TRHDE: variants seen among roughly 807,000 people sequenced by gnomAD.
TRHDE encodes thyrotropin-releasing hormone-degrading ectoenzyme.
Under a neutral mutation model 125.7 loss-of-function variants are expected in TRHDE, and 72 were observed. The observed-to-expected ratio is 0.57, with a 90% CI of 0.47 to 0.70. The LOEUF is 0.70. TRHDE is among the 30% of genes least tolerant of loss of function. The probability of loss-of-function intolerance (pLI) is 0.00; values close to 1 mark genes in which losing one functional copy is unlikely to be tolerated. For missense variants in TRHDE, 1,110 were observed against 1,327.1 expected, an observed-to-expected ratio of 0.84 and a Z score of 2.54; for synonymous variants, 509 against 509.1, an observed-to-expected ratio of 1.00 and a Z score of 0.00.
chr12:72,291,523 T>C (rs1267919762), intron 2 of TRHDE, among the ~76,000 whole-genome samples: 1 of 152,234 alleles, frequency 6.6e-6, no homozygotes, highest in African/African-American at 2.4e-5. Context: ...CAAATAGTCA[T>C]AATTGCGTTA....
intron 2 of TRHDE, among the ~76,000 whole-genome samples, chr12:72,188,287 T>G (rs1324317823): frequency 6.6e-6 from 1 of 152,254 alleles, no homozygotes; most frequent in East Asian, 1.9e-4. Context: ...AGTAAACTCT[T>G]TCAATTGCAT....
chr12:72,482,765 G>A (rs1204221019), intron 5 of TRHDE, among the ~76,000 whole-genome samples: 1 of 151,840 alleles, frequency 6.6e-6, no homozygotes, highest in African/African-American at 2.4e-5. Flanking sequence ...GGAAAATTTG[G>A]CATTAATTAC....
At chr12:72,189,909 G>T (rs1341430033) in intron 2 of TRHDE, among the ~76,000 whole-genome samples, 1 of 152,134 alleles carries the variant, frequency 6.6e-6, no homozygotes, top group East Asian at 1.9e-4. Context: ...GGTTTGGGAT[G>T]TCCTATGTAG....
At chr12:72,118,340 T>A (rs910340762) in intron 2 of TRHDE, among the ~76,000 whole-genome samples, 1 of 152,208 alleles carries the variant, frequency 6.6e-6, no homozygotes, top group Non-Finnish European at 1.5e-5. Flanking sequence ...ATTCTGTTGA[T>A]ACAATATATC....
chr12:72,437,537 AT>A (rs1874800774), intron 3 of TRHDE, among the ~76,000 whole-genome samples: 1 of 151,820 alleles, frequency 6.6e-6, no homozygotes, highest in Non-Finnish European at 1.5e-5. Flanking sequence ...TACTATTGTC[AT>A]TTTCAGCTTA....
Position 72,367,442 on chromosome 12 carries a change from A to C in TRHDE, c.1189-10553A>C, listed in dbSNP as rs142462122. 5.3e-3 allele frequency among the ~76,000 whole-genome samples: 801 copies of C among 151,780 alleles called. 6 individuals carry two copies. The highest frequency in any genetic ancestry group is 0.015 in the South Asian group (73 of 4,806). ...CCAGTGCCTTCCCCTTCCTCCTTCCAGCTTCTTCTTTATGTTCATTGGCTC... is the reference window on the plus strand; with the variant it reads ...CCAGTGCCTTCCCCTTCCTCCTTCCCGCTTCTTCTTTATGTTCATTGGCTC... On this transcript the variant is annotated intron_variant, in intron 2 of 18. Transcript: ENST00000261180.
intron 12 of TRHDE, among the ~76,000 whole-genome samples, chr12:72,584,271 A>AT (rs570952609): frequency 2.0e-5 from 3 of 151,764 alleles, no homozygotes; most frequent in East Asian, 1.9e-4. Flanking sequence ...GGTCCATTTT[A>AT]TTTTTTTTCA....
Position 72,557,748 on chromosome 12 carries a change from T to C in TRHDE, c.1789-4417T>C, listed in dbSNP as rs771892063. Among the ~76,000 whole-genome samples, 135 of 152,202 alleles carry C rather than the reference T, an allele frequency of 8.9e-4. 1 individual carries two copies. The highest frequency in any genetic ancestry group is 3.8e-4 in the Non-Finnish European group (26 of 68,028). On this transcript the variant is annotated intron_variant, in intron 7 of 18. Coordinates refer to ENST00000261180, the MANE Select transcript of TRHDE (RefSeq NM_013381.3). ...GAAATAAAACAAAAATGGTCTCGTATGTAATCATTCACAATTTTTGGTGAC... is the reference window on the plus strand; with the variant it reads ...GAAATAAAACAAAAATGGTCTCGTACGTAATCATTCACAATTTTTGGTGAC...
intron 3 of TRHDE, among the ~76,000 whole-genome samples, chr12:72,384,659 A>T (rs1872335176): frequency 1.3e-5 from 2 of 152,192 alleles, no homozygotes; most frequent in Admixed American, 1.3e-4. Flanking sequence ...TCTATGTATC[A>T]TGCTGATGGA....
intron 2 of TRHDE, among the ~76,000 whole-genome samples, chr12:72,142,605 C>G (rs578139869): frequency 6.6e-6 from 1 of 152,282 alleles, no homozygotes; most frequent in Admixed American, 6.5e-5. Context: ...TAAATGAGAA[C>G]AGACATTCCT....
chr12:72,300,366 A>ACG, intron 2 of TRHDE, among the ~76,000 whole-genome samples: 1 of 7,120 alleles, frequency 1.4e-4, no homozygotes, highest in Non-Finnish European at 6.2e-4. Context: ...ATATGTGTAT[A>ACG]CACACACACA....
At chr12:72,537,899 C>G (rs1008260635) in intron 6 of TRHDE, among the ~76,000 whole-genome samples, 1 of 152,078 alleles carries the variant, frequency 6.6e-6, no homozygotes, top group Non-Finnish European at 1.5e-5. Flanking sequence ...CTTTCTTAAC[C>G]TCTGTGCTTT....
intron 2 of TRHDE, among the ~76,000 whole-genome samples, chr12:72,176,194 C>CA (rs918158780): frequency 3.0e-4 from 45 of 151,708 alleles, no homozygotes; most frequent in Non-Finnish European, 4.3e-4. Context: ...CTAACTCTAC[C>CA]AAAAAAAAGA....
intron 2 of TRHDE, among the ~76,000 whole-genome samples, chr12:72,238,375 ATATATATT>A (rs1181648649): frequency 1.1e-5 from 1 of 91,224 alleles, no homozygotes; most frequent in East Asian, 2.6e-4. Flanking sequence ...ACATACATAT[ATATATATT>A]TTTTTTTAAC....
chr12:72,202,946 G>A (rs962828375), intron 2 of TRHDE, among the ~76,000 whole-genome samples: 2 of 151,616 alleles, frequency 1.3e-5, no homozygotes, highest in South Asian at 4.2e-4. Context: ...TTGGGTTTCA[G>A]CTATTTAATA....
chr12:72,088,153 A>G lies in TRHDE; in HGVS notation n.174+714A>G, dbSNP rs116666766. ...GTGCTTAGGCTGAGTAAGTCCCAGC[A>G]GTGGAAAAGTGGCTGTTGGATAGTC... On this transcript the variant is annotated intron_variant and non_coding_transcript_variant, in intron 1 of 4. Coordinates refer to the TRHDE transcript ENST00000548156. 1.3e-3 allele frequency among the ~76,000 whole-genome samples: 199 copies of G among 152,320 alleles called. 1 individual carries two copies. The Middle Eastern group carries it at 0.014, about 10-fold the overall frequency.
At position 72,401,257 on chromosome 12, in the gene TRHDE, A is replaced by C. The variant is rs888918073; in HGVS notation, c.1315+23136A>C. On this transcript the variant is annotated intron_variant, in intron 3 of 18. Transcript: ENST00000261180. ...TACATACCTAATACTAACTACGGCA[A>C]CAATAATAGCTAACACCCACTGAGG... Among the ~76,000 whole-genome samples, 3 of 152,336 alleles carry C rather than the reference A, an allele frequency of 2.0e-5. No homozygotes were observed. The East Asian group carries it at 5.8e-4, about 29-fold the overall frequency.
intron 6 of TRHDE, among the ~76,000 whole-genome samples, chr12:72,508,706 G>A (rs1168311453): frequency 6.6e-6 from 1 of 152,140 alleles, no homozygotes; most frequent in East Asian, 1.9e-4. Flanking sequence ...TGCTGGGAAA[G>A]CATGATTGTA....
rs189922255 is a variant in TRHDE at position 72,504,072 on chromosome 12, A to G, written c.1722+4437A>G. Among the ~76,000 whole-genome samples the G allele has an allele frequency of 6.6e-5, 10 of 152,278 alleles. No homozygotes were observed. The East Asian group carries it at 1.7e-3, about 27-fold the overall frequency. On this transcript the variant is annotated intron_variant, in intron 6 of 18. Coordinates refer to ENST00000261180, the MANE Select transcript of TRHDE (RefSeq NM_013381.3). The stretch of plus-strand genomic sequence containing the variant: ...ATGGATGCCACCTCAGAATCTAAGG[A>G]GTTATGACAGAAATATATACAAGAT...
Sources: gnomAD v4.1 joint callset for allele counts (sites outside exome capture counted in the v4.1 genomes callset) on GRCh38, gnomAD v4.1.1 for gene constraint, MANE v1.5 for transcripts, NCBI Gene and HGNC (gene_info 2026-07-23, HGNC 2026-07-21) for gene names.